The following HAS3 variants were observed in gnomAD, a reference collection of about 807,000 sequenced individuals.
HAS3 encodes HA synthase 3.
A neutral mutation model predicts 50.3 loss-of-function variants in HAS3; 27 were observed. The observed-to-expected ratio is 0.54, with a 90% CI of 0.40 to 0.74. The LOEUF (loss-of-function observed/expected upper bound fraction) is 0.74, where lower values mean the gene tolerates loss of function less well. Ranked by LOEUF, HAS3 falls within the 30% of genes least tolerant of loss-of-function variation. The probability of loss-of-function intolerance (pLI) is 0.00; values close to 1 mark genes in which losing one functional copy is unlikely to be tolerated. For synonymous variants in HAS3, 339 were observed against 310.9 expected (o/e 1.09, Z -0.95); for missense variants, 517 against 742.8 (o/e 0.70, Z 3.53).
At chr16:69,104,271 TTTC>T (rs1960729173), upstream of HAS3, among the ~76,000 whole-genome samples, 2 of 151,136 alleles carry the variant, frequency 1.3e-5, no homozygotes, top group Admixed American at 6.6e-5. Flanking sequence ...TTTTTTTTTT[TTTC>T]TTTTCTTTTC....
rs1960779135 is a variant in HAS3 at position 69,106,004 on chromosome 16, G to C, written c.-1+217G>C. On this transcript the variant is annotated intron_variant, in intron 1 of 3. Transcript: ENST00000569188. The surrounding 1 kb of genome is among the most constrained non-coding windows in gnomAD (Gnocchi z 5.5). ...GGACCCAGCTTCGGAGAGGGCGCAG[G>C]GGCTGCGAGTCTTGCGAGCCGGAGC... Among the ~76,000 whole-genome samples the C allele has an allele frequency of 6.6e-6, 1 of 152,338 alleles. No individual in the cohort carries two copies. The highest frequency in any genetic ancestry group is 3.4e-3 in the Middle Eastern group (1 of 294).
At position 69,115,702 on chromosome 16, in the gene HAS3, C is replaced by T; in HGVS notation, c.*436C>T. ...GGCAGGAGAATTTCTACTGAGCGAG[C>T]TGGGCCGGTTAGTGTATGTCACCCC... On this transcript the variant is annotated 3_prime_UTR_variant, in exon 4 of 4. Coordinates refer to ENST00000569188, the MANE Select transcript of HAS3 (RefSeq NM_001199280.2). 3.0e-6 allele frequency: 3 copies of T among 991,018 alleles called. No individual in the cohort carries two copies. Among genetic ancestry groups the T allele is most frequent in the African/African-American group, 3.5e-5 (2 of 57,492 alleles). 61.4% of individuals were successfully genotyped at this position (991,018 alleles called of 1,614,324 possible).
At chr16:69,090,386 G>A in the HAS3 span, among the ~76,000 whole-genome samples, 3 of 152,180 alleles carry the variant, frequency 2.0e-5, no homozygotes, top group Admixed American at 6.6e-5. Context: ...CAAGTTTAAT[G>A]TATCTGTAGT....
At chr16:69,084,561 A>G in the HAS3 span, 1 of 152,372 alleles carries the variant, frequency 6.6e-6, no homozygotes, top group African/African-American at 2.4e-5. Flanking sequence ...ACAATTTCAG[A>G]TATAGCACTG....
the HAS3 span, among the ~76,000 whole-genome samples, chr16:69,085,407 T>A: frequency 6.6e-6 from 1 of 152,140 alleles, no homozygotes. Flanking sequence ...TTTGAACTAT[T>A]TGGCAAGTGG....
rs1162248775 is a variant in HAS3 at position 69,114,453 on chromosome 16, T to C, written c.849T>C (p.Ile283=). The C allele has an allele frequency of 1.9e-6, 3 of 1,613,822 alleles. No homozygotes were observed. Among genetic ancestry groups the C allele is most frequent in the Non-Finnish European group, 2.5e-6 (3 of 1,179,996 alleles). ...CQSYFGCVQC[I]SGPLGMYRNS... The stretch of plus-strand genomic sequence containing the variant: ...CCTACTTTGGCTGTGTGCAGTGTAT[T>C]AGTGGGCCCTTGGGCATGTACCGCA... The change falls in exon 4 of 4, where the codon ATT becomes ATC. Residue 283 remains isoleucine (I), a synonymous_variant. Coordinates refer to ENST00000569188, the MANE Select transcript of HAS3 (RefSeq NM_001199280.2). The surrounding 1 kb of genome is among the most constrained non-coding windows in gnomAD (Gnocchi z 6.4).
At position 69,110,068 on chromosome 16, in the gene HAS3, A is replaced by G. The variant is rs748923433; in HGVS notation, c.636+37A>G. 5.8e-6 allele frequency: 9 copies of G among 1,562,318 alleles called. No homozygotes were observed. In the South Asian group the frequency reaches 1.1e-4, roughly 19 times the overall value. On this transcript the variant is annotated intron_variant, in intron 2 of 3. Coordinates refer to ENST00000569188, the MANE Select transcript of HAS3 (RefSeq NM_001199280.2). The stretch of plus-strand genomic sequence containing the variant: ...TCCCTAGGAGCGTGTGTACATGGGG[A>G]TAAGTCTGGACAGCCTGGCAAACTC...
the HAS3 span, among the ~76,000 whole-genome samples, chr16:69,090,873 C>T: frequency 2.0e-5 from 3 of 152,130 alleles, no homozygotes; most frequent in African/African-American, 7.2e-5. Context: ...GTGCCCAGCA[C>T]GATACATATT....
Position 69,116,771 on chromosome 16 carries a change from G to T in HAS3, c.*1505G>T. The T allele has an allele frequency of 1.0e-6, 1 of 985,306 alleles. No individual in the cohort carries two copies. Among genetic ancestry groups the T allele is most frequent in the Non-Finnish European group, 1.2e-6 (1 of 829,864 alleles). 61.0% of individuals were successfully genotyped at this position (985,306 alleles called of 1,614,324 possible). ...CAATCCAGGCTGTTCTCAGCGTTTT[G>T]AGTTTAAAACCTGGGATCCTGACTA... On this transcript the variant is annotated 3_prime_UTR_variant, in exon 4 of 4. Coordinates refer to ENST00000569188, the MANE Select transcript of HAS3 (RefSeq NM_001199280.2).
At chr16:69,099,360 G>C in the HAS3 span, among the ~76,000 whole-genome samples, 1 of 147,220 alleles carries the variant, frequency 6.8e-6, no homozygotes, top group Non-Finnish European at 1.5e-5. Context: ...ATGGTGTCTT[G>C]CTCTGTCGCC....
At position 69,116,966 on chromosome 16, in the gene HAS3, C is replaced by A. The variant is rs915230085; in HGVS notation, c.*1700C>A. On this transcript the variant is annotated 3_prime_UTR_variant, in exon 4 of 4. Coordinates refer to ENST00000569188, the MANE Select transcript of HAS3 (RefSeq NM_001199280.2). ...AGGTGTGCTCTGAGCCACAGATGGG[C>A]AAACCCTGGTGCTTTCCTTCATCTC... 1.1e-5 allele frequency: 11 copies of A among 985,344 alleles called. No homozygotes were observed. The highest frequency in any genetic ancestry group is 7.0e-5 in the African/African-American group (4 of 57,234). The allele number at this position is 985,344 out of a possible 1,614,324, so 61.0% of individuals were successfully genotyped here.
At chr16:69,087,988 G>A in the HAS3 span, among the ~76,000 whole-genome samples, 4 of 152,056 alleles carry the variant, frequency 2.6e-5, no homozygotes, top group African/African-American at 7.2e-5. Flanking sequence ...ACAGGCATGA[G>A]CTACTGCACC....
At chr16:69,096,215 C>CA in the HAS3 span, among the ~76,000 whole-genome samples, 1,404 of 57,764 alleles carry the variant, frequency 0.024, 17 homozygotes, top group African/African-American at 0.057. Context: ...GACTCCGTCT[C>CA]AAAAAAAAAA....
At chr16:69,097,533 T>C in the HAS3 span, among the ~76,000 whole-genome samples, 169 of 151,434 alleles carry the variant, frequency 1.1e-3, no homozygotes, top group Non-Finnish European at 1.8e-3. Context: ...TGGGAAGGAG[T>C]GTGCACTTGT....
At position 69,106,624 on chromosome 16, in the gene HAS3, G is replaced by A. The variant is rs1960804847; in HGVS notation, c.-1+837G>A. 1.3e-5 allele frequency: 2 copies of A among 152,358 alleles called. No homozygotes were observed. Among genetic ancestry groups the A allele is most frequent in the African/African-American group, 4.8e-5 (2 of 41,450 alleles). The allele number at this position is 152,358 out of a possible 1,614,324, so 9.4% of individuals were successfully genotyped here. On this transcript the variant is annotated intron_variant, in intron 1 of 3. Coordinates refer to ENST00000569188, the MANE Select transcript of HAS3 (RefSeq NM_001199280.2). The surrounding 1 kb of genome is among the most constrained non-coding windows in gnomAD (Gnocchi z 5.5). Reference sequence around the variant, plus strand: ...CTGTTTTGTGAATGAATTAGGAGGCGGACGCCGGTGCGGGGCTCCAGGCTG... The same window carrying A: ...CTGTTTTGTGAATGAATTAGGAGGCAGACGCCGGTGCGGGGCTCCAGGCTG...
At chr16:69,113,291 T>G (rs1292697560) in intron 2 of HAS3, 150 bp from the exon 3 acceptor site, 40 of 664,964 alleles carry the variant, frequency 6.0e-5, no homozygotes, top group South Asian at 5.8e-4. Flanking sequence ...TGGCACCTTC[T>G]GGTAGCGCAG....
chr16:69,105,213 T>C (rs1405128613), upstream of HAS3, among the ~76,000 whole-genome samples: 1 of 151,972 alleles, frequency 6.6e-6, no homozygotes, highest in Non-Finnish European at 1.5e-5. Context: ...GCCCGGCCAC[T>C]CATTTTTTAA....
Position 69,117,092 on chromosome 16 carries a change from G to A in HAS3, c.*1826G>A. Reference sequence around the variant, plus strand: ...CTGGTTGACATCAGACCCAACCCATGAAGGCTGGAAGGCAGCAGGCATTTG... The same window carrying A: ...CTGGTTGACATCAGACCCAACCCATAAAGGCTGGAAGGCAGCAGGCATTTG... On this transcript the variant is annotated 3_prime_UTR_variant, in exon 4 of 4. Transcript: ENST00000569188. 1 of 985,762 alleles carries A rather than the reference G, an allele frequency of 1.0e-6. No individual in the cohort carries two copies. Among genetic ancestry groups the A allele is most frequent in the South Asian group, 4.7e-5 (1 of 21,286 alleles). The allele number at this position is 985,762 out of a possible 1,614,324, so 61.1% of individuals were successfully genotyped here.
At chr16:69,083,663 C>T in the HAS3 span, 1 of 1,555,272 alleles carries the variant, frequency 6.4e-7, no homozygotes, top group South Asian at 1.2e-5. Context: ...CTGCCGTAGA[C>T]CTGGCTCCAA....
Sources: gnomAD v4.1 joint callset for allele counts (sites outside exome capture counted in the v4.1 genomes callset) on GRCh38, gnomAD v4.1.1 for gene constraint, Gnocchi (gnomAD v3.1) non-coding constraint, MANE v1.5 for transcripts, NCBI Gene and HGNC (gene_info 2026-07-23, HGNC 2026-07-21) for gene names.